Variants in CSNK2A2IP observed in about 807,000 individuals in gnomAD.
CSNK2A2IP encodes the protein casein kinase II subunit alpha'-interacting protein.
chr3:88,409,005 G>C, the CSNK2A2IP span, among the ~76,000 whole-genome samples: 459 of 152,094 alleles, frequency 3.0e-3, 8 homozygotes, highest in African/African-American at 9.3e-3. Flanking sequence ...TTGCTATTAC[G>C]TGGCTGCAAG....
chr3:88,358,968 T>C, the CSNK2A2IP span, among the ~76,000 whole-genome samples: 1 of 151,996 alleles, frequency 6.6e-6, no homozygotes, highest in South Asian at 2.1e-4. Context: ...CCTGGATTTT[T>C]TTTTTTTTTC....
chr3:88,454,011 G>C, the CSNK2A2IP span, among the ~76,000 whole-genome samples: 1 of 152,014 alleles, frequency 6.6e-6, no homozygotes, highest in Non-Finnish European at 1.5e-5. Context: ...AAAGGATAAA[G>C]TGTTTTCCAA....
At chr3:88,380,722 A>G in the CSNK2A2IP span, among the ~76,000 whole-genome samples, 1 of 152,122 alleles carries the variant, frequency 6.6e-6, no homozygotes, top group African/African-American at 2.4e-5. Context: ...CAGAATTAAG[A>G]CAAGAAAGGA....
the CSNK2A2IP span, among the ~76,000 whole-genome samples, chr3:88,359,412 G>A: frequency 6.6e-6 from 1 of 151,082 alleles, no homozygotes; most frequent in African/African-American, 2.4e-5. Context: ...ACTAATTTTG[G>A]GTTTGGTAGG....
chr3:88,389,232 A>AT, the CSNK2A2IP span, among the ~76,000 whole-genome samples: 4 of 119,724 alleles, frequency 3.3e-5, no homozygotes, highest in Admixed American at 2.3e-4. Context: ...GTAACATTTA[A>AT]TTTAAAAAAA....
the CSNK2A2IP span, among the ~76,000 whole-genome samples, chr3:88,419,171 A>G: frequency 2.0e-5 from 3 of 152,204 alleles, 1 homozygote; most frequent in African/African-American, 7.2e-5. Context: ...TGTAATAATA[A>G]TAGACATAAA....
At chr3:88,465,857 G>C in the CSNK2A2IP span, 41 of 1,231,514 alleles carry the variant, frequency 3.3e-5, no homozygotes, top group Non-Finnish European at 4.2e-5. Context: ...CTAGATGTTT[G>C]CTGGAGATCA....
the CSNK2A2IP span, among the ~76,000 whole-genome samples, chr3:88,394,593 C>T: frequency 1.3e-5 from 2 of 152,238 alleles, no homozygotes; most frequent in East Asian, 1.9e-4. Flanking sequence ...AGGCTGGTCT[C>T]GAACTCTTGA....
chr3:88,449,817 CG>C, the CSNK2A2IP span, among the ~76,000 whole-genome samples: 1 of 54,904 alleles, frequency 1.8e-5, no homozygotes, highest in Non-Finnish European at 3.6e-5. Context: ...TTTTTTATAT[CG>C]AGACACACAC....
chr3:88,366,529 C>A, the CSNK2A2IP span, among the ~76,000 whole-genome samples: 2 of 152,054 alleles, frequency 1.3e-5, no homozygotes, highest in African/African-American at 2.4e-5. Flanking sequence ...TACTTTATAT[C>A]CTCAAGCTAT....
chr3:88,394,383 G>C, the CSNK2A2IP span, among the ~76,000 whole-genome samples: 1 of 152,070 alleles, frequency 6.6e-6, no homozygotes, highest in African/African-American at 2.4e-5. Context: ...AAAAATTTTT[G>C]TTTTTTGAGA....
the CSNK2A2IP span, among the ~76,000 whole-genome samples, chr3:88,437,506 A>G: frequency 2.0e-5 from 3 of 152,104 alleles, no homozygotes; most frequent in African/African-American, 7.2e-5. Flanking sequence ...CCAAGAAGAG[A>G]CTCTTCAGTC....
chr3:88,467,330 T>G, the CSNK2A2IP span: 2 of 399,080 alleles, frequency 5.0e-6, no homozygotes, highest in Non-Finnish European at 8.8e-6. Flanking sequence ...TCCAAAGAGT[T>G]TATGACCCTC....
the CSNK2A2IP span, among the ~76,000 whole-genome samples, chr3:88,438,462 G>T: frequency 6.6e-6 from 1 of 151,996 alleles, no homozygotes. Context: ...TAAAAGCTAG[G>T]GATATAACTC....
At chr3:88,442,076 C>T in the CSNK2A2IP span, among the ~76,000 whole-genome samples, 8 of 151,980 alleles carry the variant, frequency 5.3e-5, no homozygotes, top group Non-Finnish European at 1.2e-4. Flanking sequence ...GGCCAAAATC[C>T]ATTTATCTCA....
chr3:88,339,799 TG>T, the CSNK2A2IP span, among the ~76,000 whole-genome samples: 3 of 152,042 alleles, frequency 2.0e-5, no homozygotes, highest in African/African-American at 7.2e-5. Context: ...TGTGAAAAAA[TG>T]TTAACCAGAG....
chr3:88,413,894 A>G, the CSNK2A2IP span, among the ~76,000 whole-genome samples: 66 of 152,104 alleles, frequency 4.3e-4, no homozygotes, highest in Admixed American at 1.1e-3. Flanking sequence ...AGAAAATCTT[A>G]AGAGCAATAA....
chr3:88,378,522 G>A, the CSNK2A2IP span, among the ~76,000 whole-genome samples: 1 of 151,774 alleles, frequency 6.6e-6, no homozygotes, highest in Non-Finnish European at 1.5e-5. Context: ...CTTGAAATCT[G>A]GCTAGTGAGA....
chr3:88,377,847 T>G, the CSNK2A2IP span, among the ~76,000 whole-genome samples: 1 of 151,898 alleles, frequency 6.6e-6, no homozygotes, highest in Admixed American at 6.6e-5. Context: ...CTGAAAAGAC[T>G]CTTTAGGTCT....
Sources: gnomAD v4.1 joint callset for allele counts (sites outside exome capture counted in the v4.1 genomes callset) on GRCh38, gnomAD v4.1.1 for gene constraint, MANE v1.5 for transcripts, NCBI Gene and HGNC (gene_info 2026-07-23, HGNC 2026-07-21) for gene names.